The following EDIL3 variants were observed in gnomAD, a reference collection of about 807,000 sequenced individuals.
EDIL3 encodes EGF like and discoidin domains 3, also known as EGF-like repeat and discoidin I-like domain-containing protein 3.
A neutral mutation model predicts 67.4 loss-of-function variants in EDIL3; 37 were observed. The ratio of observed to expected loss-of-function variants is 0.55; its 90% CI spans 0.42 to 0.72. The LOEUF (loss-of-function observed/expected upper bound fraction) is 0.72. Ranked by LOEUF, EDIL3 falls within the 30% of genes least tolerant of loss-of-function variation. The pLI is 0.00. For synonymous variants in EDIL3, 195 were observed against 196.3 expected, an observed-to-expected ratio of 0.99 and a Z score of 0.05; for missense variants, 527 against 586.3, an observed-to-expected ratio of 0.90 and a Z score of 1.04.
intron 6 of EDIL3, among the ~76,000 whole-genome samples, chr5:84,081,543 C>T (rs554936723): frequency 1.3e-5 from 2 of 150,174 alleles, no homozygotes; most frequent in Non-Finnish European, 1.5e-5. Context: ...AGAGTGTTAC[C>T]AAAAAGAAAA....
chr5:84,352,321 A>G (rs1747377556), intron 1 of EDIL3, among the ~76,000 whole-genome samples: 1 of 152,160 alleles, frequency 6.6e-6, no homozygotes, highest in African/African-American at 2.4e-5. Context: ...TTTACCAAAA[A>G]GACATCTGCC....
At chr5:84,001,201 C>G (rs1314831010) in intron 9 of EDIL3, among the ~76,000 whole-genome samples, 1 of 152,016 alleles carries the variant, frequency 6.6e-6, no homozygotes, top group East Asian at 1.9e-4. Context: ...TGCCTGCCAC[C>G]ACACCTGGCT....
intron 6 of EDIL3, chr5:84,078,876 A>C (rs897561414): frequency 6.6e-6 from 1 of 152,164 alleles, no homozygotes; most frequent in Non-Finnish European, 1.5e-5. Flanking sequence ...TTTTGTTCTA[A>C]TGTGGTGACT....
At chr5:84,014,503 G>T (rs541007187) in intron 9 of EDIL3, among the ~76,000 whole-genome samples, 2 of 152,236 alleles carry the variant, frequency 1.3e-5, no homozygotes, top group African/African-American at 4.8e-5. Flanking sequence ...AAATTAGCCA[G>T]GCATGATGAC....
intron 4 of EDIL3, among the ~76,000 whole-genome samples, chr5:84,167,809 A>G (rs1217953389): frequency 6.6e-6 from 1 of 152,120 alleles, no homozygotes; most frequent in Non-Finnish European, 1.5e-5. Flanking sequence ...AAGGAATGGA[A>G]GTTTAAGTCT....
chr5:84,011,234 G>T (rs554380695), intron 9 of EDIL3, among the ~76,000 whole-genome samples: 4 of 152,182 alleles, frequency 2.6e-5, no homozygotes, highest in Non-Finnish European at 5.9e-5. Flanking sequence ...TCCTAGACCT[G>T]CTCTTTCTCT....
chr5:84,159,788 A>G (rs1748571833), intron 4 of EDIL3, among the ~76,000 whole-genome samples: 1 of 152,064 alleles, frequency 6.6e-6, no homozygotes, highest in Admixed American at 6.6e-5. Context: ...AAAGCATAAA[A>G]CACAGTATTC....
intron 9 of EDIL3, among the ~76,000 whole-genome samples, chr5:84,038,939 C>T (rs1365773593): frequency 1.3e-5 from 2 of 152,272 alleles, no homozygotes; most frequent in East Asian, 3.9e-4. Flanking sequence ...GCACATGCAG[C>T]ATATTTTATA....
intron 1 of EDIL3, among the ~76,000 whole-genome samples, chr5:84,334,771 CAT>C (rs1746952208): frequency 6.6e-6 from 1 of 151,974 alleles, no homozygotes; most frequent in Non-Finnish European, 1.5e-5. Flanking sequence ...TTCCTAAAGT[CAT>C]ATCTTCTTTT....
At chr5:84,374,023 G>T (rs1221716941) in intron 1 of EDIL3, among the ~76,000 whole-genome samples, 1 of 152,110 alleles carries the variant, frequency 6.6e-6, no homozygotes, top group Non-Finnish European at 1.5e-5. Flanking sequence ...GAAGAAACAA[G>T]GTTCTGAAGC....
At chr5:84,052,812 G>A (rs1580301190) in intron 9 of EDIL3, among the ~76,000 whole-genome samples, 1 of 152,266 alleles carries the variant, frequency 6.6e-6, no homozygotes, top group East Asian at 1.9e-4. Context: ...CATAAAGCAA[G>A]TCCTTAGGAC....
At chr5:84,263,837 G>C (rs1032101222) in intron 1 of EDIL3, among the ~76,000 whole-genome samples, 1 of 152,194 alleles carries the variant, frequency 6.6e-6, no homozygotes, top group Non-Finnish European at 1.5e-5. Flanking sequence ...AGAAGGGTGA[G>C]AGCATGTGTA....
chr5:84,125,750 T>C (rs1408708554), intron 5 of EDIL3, among the ~76,000 whole-genome samples: 1 of 152,056 alleles, frequency 6.6e-6, no homozygotes. Flanking sequence ...TGAACTCTTA[T>C]ACCAGCTGCA....
intron 9 of EDIL3, among the ~76,000 whole-genome samples, chr5:84,059,304 G>A (rs2112234180): frequency 6.6e-6 from 1 of 152,256 alleles, no homozygotes; most frequent in South Asian, 2.1e-4. Context: ...TTGGTAGGCT[G>A]AGGCAGGAGG....
chr5:84,327,438 T>C (rs1318467948), intron 1 of EDIL3, among the ~76,000 whole-genome samples: 1 of 151,996 alleles, frequency 6.6e-6, no homozygotes, highest in East Asian at 1.9e-4. Flanking sequence ...TTTGACTCCA[T>C]CTTTTTTGGT....
At chr5:83,972,474 G>A (rs1325846999) in intron 9 of EDIL3, among the ~76,000 whole-genome samples, 1 of 152,022 alleles carries the variant, frequency 6.6e-6, no homozygotes, top group Non-Finnish European at 1.5e-5. Context: ...ACAGGATGAT[G>A]GGAAGGGAAT....
intron 5 of EDIL3, among the ~76,000 whole-genome samples, chr5:84,121,581 A>AT (rs1443851620): frequency 6.9e-5 from 9 of 131,298 alleles, no homozygotes; most frequent in Admixed American, 3.1e-4. Context: ...ATCTATCTAC[A>AT]TTTTTTTTTC....
At chr5:84,346,427 T>C (rs1747241487) in intron 1 of EDIL3, among the ~76,000 whole-genome samples, 3 of 152,136 alleles carry the variant, frequency 2.0e-5, no homozygotes, top group African/African-American at 4.8e-5. Context: ...AAATGGACTA[T>C]GAGAGATGTT....
Position 84,060,212 on chromosome 5 carries a change from G to A in EDIL3, c.1137+88C>T, listed in dbSNP as rs185657874. Reference sequence around the variant, plus strand: ...GAAGGCACATTTAAATTAGCGTGAAGGTAACGACTCTGACACTCACCTAAT... The same window carrying A: ...GAAGGCACATTTAAATTAGCGTGAAAGTAACGACTCTGACACTCACCTAAT... On this transcript the variant is annotated intron_variant, in intron 9 of 10. Coordinates refer to ENST00000296591, the MANE Select transcript of EDIL3 (RefSeq NM_005711.5). 5.2e-5 allele frequency: 76 copies of A among 1,464,528 alleles called. No homozygotes were observed. The East Asian group carries it at 1.0e-3, about 19-fold the overall frequency. 90.7% of individuals were successfully genotyped at this position (1,464,528 alleles called of 1,614,324 possible).
Sources: gnomAD v4.1 joint callset for allele counts (sites outside exome capture counted in the v4.1 genomes callset) on GRCh38, gnomAD v4.1.1 for gene constraint, MANE v1.5 for transcripts, NCBI Gene and HGNC (gene_info 2026-07-23, HGNC 2026-07-21) for gene names.